Variants in LRRC37A2 observed in about 807,000 individuals in gnomAD.
LRRC37A2 encodes the protein leucine rich repeat containing 37 member A2.
A neutral mutation model predicts 68.8 loss-of-function variants in LRRC37A2; 9 were observed. The ratio of observed to expected loss-of-function variants is 0.13; its 90% confidence interval spans 0.08 to 0.23. The LOEUF is 0.23. LRRC37A2 is among the 10% of genes least tolerant of loss of function. The probability of loss-of-function intolerance (pLI) is 1.00; values close to 1 mark genes in which losing one functional copy is unlikely to be tolerated. For missense variants in LRRC37A2, 168 were observed against 950.4 expected (o/e 0.18, Z 10.82); for synonymous variants, 63 against 367.6 (o/e 0.17, Z 9.48).
At chr17:46,818,726 C>T in the LRRC37A2 span, 2 of 918,536 alleles carry the variant, frequency 2.2e-6, no homozygotes, top group South Asian at 2.9e-5. Context: ...CACCTCCACC[C>T]GCAGCCGCCC....
chr17:47,017,759 A>C, the LRRC37A2 span: 1 of 1,610,630 alleles, frequency 6.2e-7, no homozygotes, highest in Non-Finnish European at 8.5e-7. Context: ...GTACAGATAC[A>C]CCGTATCCCG....
chr17:46,801,571 G>A, the LRRC37A2 span, among the ~76,000 whole-genome samples: 536 of 124,262 alleles, frequency 4.3e-3, 2 homozygotes, highest in African/African-American at 0.016. Flanking sequence ...AGTGAGCTGT[G>A]ATTGCGCCAT....
At chr17:46,787,918 T>C in the LRRC37A2 span, among the ~76,000 whole-genome samples, 1 of 148,452 alleles carries the variant, frequency 6.7e-6, no homozygotes, top group Non-Finnish European at 1.5e-5. Flanking sequence ...ATTGTGCCAC[T>C]GCACTCCAGC....
At chr17:46,501,144 C>T in the LRRC37A2 span, among the ~76,000 whole-genome samples, 1 of 151,272 alleles carries the variant, frequency 6.6e-6, no homozygotes, top group African/African-American at 2.5e-5. Flanking sequence ...CCTGCCTCAG[C>T]CTCTTAAGTA....
the LRRC37A2 span, among the ~76,000 whole-genome samples, chr17:46,985,379 G>A: frequency 6.6e-6 from 1 of 152,076 alleles, no homozygotes; most frequent in African/African-American, 2.4e-5. Flanking sequence ...AATTAGCTGG[G>A]CGTGGTGGTG....
chr17:46,869,996 CA>C, the LRRC37A2 span, among the ~76,000 whole-genome samples: 2,001 of 143,176 alleles, frequency 0.014, 38 homozygotes, highest in African/African-American at 0.043. Flanking sequence ...AAGACTGTCT[CA>C]AAAAAAAAAA....
the LRRC37A2 span, chr17:46,941,059 C>T: frequency 1.3e-5 from 14 of 1,084,468 alleles, no homozygotes; most frequent in Non-Finnish European, 1.5e-5. Flanking sequence ...CTCCGGTAGC[C>T]AGCCTCTGTG....
chr17:46,493,140 T>G, the LRRC37A2 span, among the ~76,000 whole-genome samples: 3 of 127,008 alleles, frequency 2.4e-5, no homozygotes, highest in South Asian at 7.0e-4. Flanking sequence ...TATCATTGTT[T>G]ATGGAAAAAT....
chr17:46,741,408 T>TC, the LRRC37A2 span, among the ~76,000 whole-genome samples: 4 of 152,110 alleles, frequency 2.6e-5, no homozygotes, highest in East Asian at 1.9e-4. Context: ...TATCATGAAT[T>TC]CCCCCCCTTA....
At chr17:46,499,143 C>T in the LRRC37A2 span, among the ~76,000 whole-genome samples, 5 of 144,300 alleles carry the variant, frequency 3.5e-5, no homozygotes, top group East Asian at 2.1e-4. Flanking sequence ...GGTGAGACCC[C>T]GTCTCTACTA....
chr17:46,978,825 G>T, the LRRC37A2 span: 2 of 1,607,964 alleles, frequency 1.2e-6, no homozygotes, highest in South Asian at 1.1e-5. Context: ...ACACCCACAG[G>T]CTGCGCTCGT....
At chr17:46,876,618 G>T in the LRRC37A2 span, 16 of 1,611,048 alleles carry the variant, frequency 9.9e-6, no homozygotes, top group South Asian at 1.3e-4. Context: ...ACCCAGAGCC[G>T]CCTGGTGGCC....
At chr17:47,000,076 A>AAATATAAAATAAAATAT in the LRRC37A2 span, among the ~76,000 whole-genome samples, 26 of 25,534 alleles carry the variant, frequency 1.0e-3, 2 homozygotes, top group East Asian at 0.017. Context: ...AAATAAAATA[A>AAATATAAAATAAAATAT]AAAATAAAAT....
At chr17:46,850,691 C>T in the LRRC37A2 span, among the ~76,000 whole-genome samples, 2 of 152,192 alleles carry the variant, frequency 1.3e-5, no homozygotes, top group African/African-American at 4.8e-5. Context: ...TACCACGCGC[C>T]GCTTTGATCT....
the LRRC37A2 span, among the ~76,000 whole-genome samples, chr17:46,840,496 A>G: frequency 6.6e-6 from 1 of 152,232 alleles, no homozygotes; most frequent in Non-Finnish European, 1.5e-5. Context: ...TTATAGTAGC[A>G]TGATTTATAA....
the LRRC37A2 span, chr17:46,721,722 C>A: frequency 8.7e-6 from 14 of 1,606,610 alleles, no homozygotes; most frequent in Non-Finnish European, 1.2e-5. Context: ...CGGCTGCTAT[C>A]TAGTTTGACG....
the LRRC37A2 span, among the ~76,000 whole-genome samples, chr17:46,972,196 C>T: frequency 2.0e-5 from 3 of 152,210 alleles, no homozygotes; most frequent in Admixed American, 6.5e-5. Flanking sequence ...GGGCAGGAGG[C>T]GAGACCCTGG....
chr17:46,715,504 A>T, the LRRC37A2 span, among the ~76,000 whole-genome samples: 2 of 152,188 alleles, frequency 1.3e-5, no homozygotes, highest in Non-Finnish European at 2.9e-5. Context: ...GCTTTTTCAA[A>T]AGTAGTAGTC....
At chr17:46,862,501 G>T in the LRRC37A2 span, among the ~76,000 whole-genome samples, 31 of 152,334 alleles carry the variant, frequency 2.0e-4, 1 homozygote, top group South Asian at 6.4e-3. Flanking sequence ...ATTTGGAATT[G>T]TGGATAAGGG....
Sources: gnomAD v4.1 joint callset for allele counts (sites outside exome capture counted in the v4.1 genomes callset) on GRCh38, gnomAD v4.1.1 for gene constraint, MANE v1.5 for transcripts, NCBI Gene and HGNC (gene_info 2026-07-23, HGNC 2026-07-21) for gene names.